PPP1R9A: variants seen among roughly 807,000 people sequenced by gnomAD.
PPP1R9A encodes the protein protein phosphatase 1 regulatory subunit 9A, also known as neurabin-1.
Under a neutral mutation model 141.9 loss-of-function variants are expected in PPP1R9A, and 59 were observed. That is an observed-to-expected ratio of 0.42 (90% CI 0.34 to 0.52). PPP1R9A has a LOEUF of 0.52. Among genes scored for constraint, PPP1R9A ranks in the 20% least tolerant of loss-of-function variants. PPP1R9A has a pLI of 0.10. For missense variants in PPP1R9A, 1,444 were observed against 1,611.9 expected, an observed-to-expected ratio of 0.90 and a Z score of 1.78; for synonymous variants, 500 against 569.7, an observed-to-expected ratio of 0.88 and a Z score of 1.74.
intron 2 of PPP1R9A, among the ~76,000 whole-genome samples, chr7:95,086,848 G>T (rs577706715): frequency 1.3e-5 from 2 of 152,048 alleles, no homozygotes; most frequent in East Asian, 3.9e-4. Flanking sequence ...GTTTAGACAA[G>T]AAGTCAGTGA....
chr7:95,266,279 TA>T (rs1487948770), intron 12 of PPP1R9A, among the ~76,000 whole-genome samples: 1 of 151,990 alleles, frequency 6.6e-6, no homozygotes, highest in African/African-American at 2.4e-5. Context: ...CAGACCAAAA[TA>T]AAAAATCATC....
Position 95,286,299 on chromosome 7 carries a change from C to T in PPP1R9A, c.3703C>T (p.Gln1235Ter). The change falls in exon 18 of 20, where the codon CAG becomes TAG. Residue 1235 changes from glutamine to a stop codon, truncating the protein, a stop_gained. Coordinates refer to ENST00000433360, the MANE Select transcript of PPP1R9A (RefSeq NM_001166160.2). LOFTEE classifies it high-confidence loss of function. Reference protein sequence around the residue: ...GAEPKTPGLSQSLALSSDEIL... With the variant: ...GAEPKTPGLS Reference sequence around the variant, plus strand: ...AGAACCTAAAACACCAGGGCTCTCTCAGTCCTTAGCACTGTCATCAGATGA... The same window carrying T: ...AGAACCTAAAACACCAGGGCTCTCTTAGTCCTTAGCACTGTCATCAGATGA... 6.2e-7 allele frequency: 1 copy of T among 1,613,456 alleles called. No individual in the cohort carries two copies. Among genetic ancestry groups the T allele is most frequent in the Non-Finnish European group, 8.5e-7 (1 of 1,179,596 alleles).
intron 16 of PPP1R9A, among the ~76,000 whole-genome samples, chr7:95,276,112 A>G (rs1395827850): frequency 6.6e-6 from 1 of 152,220 alleles, no homozygotes; most frequent in Non-Finnish European, 1.5e-5. Context: ...AAAGAGATGC[A>G]TAAATACATG....
intron 2 of PPP1R9A, among the ~76,000 whole-genome samples, chr7:94,966,908 A>G (rs959139400): frequency 1.7e-4 from 26 of 151,796 alleles, no homozygotes; most frequent in African/African-American, 5.6e-4. Flanking sequence ...TCCTCTTTGT[A>G]CCTTTGGTAG....
At chr7:94,988,822 A>T (rs1801157793) in intron 2 of PPP1R9A, among the ~76,000 whole-genome samples, 1 of 152,022 alleles carries the variant, frequency 6.6e-6, no homozygotes, top group African/African-American at 2.4e-5. Context: ...TCCTGGATTG[A>T]TAACCTGCCT....
At chr7:94,942,884 T>C (rs942855414) in intron 2 of PPP1R9A, among the ~76,000 whole-genome samples, 7 of 151,948 alleles carry the variant, frequency 4.6e-5, no homozygotes, top group African/African-American at 1.7e-4. Context: ...ATTTAGAAAA[T>C]TGTGATCATT....
chr7:95,228,670 T>A (rs1056053712), intron 8 of PPP1R9A, among the ~76,000 whole-genome samples: 1 of 152,216 alleles, frequency 6.6e-6, no homozygotes, highest in African/African-American at 2.4e-5. Context: ...AGAAAATATT[T>A]GAATCACTTT....
chr7:94,945,046 T>C (rs1795748847), intron 2 of PPP1R9A, among the ~76,000 whole-genome samples: 2 of 152,028 alleles, frequency 1.3e-5, no homozygotes, highest in Admixed American at 6.6e-5. Flanking sequence ...TTCATCTCCT[T>C]ACATGAGATA....
At chr7:95,185,026 GTT>G (rs200530617) in intron 5 of PPP1R9A, among the ~76,000 whole-genome samples, 151 of 146,168 alleles carry the variant, frequency 1.0e-3, no homozygotes, top group Admixed American at 2.5e-3. Flanking sequence ...CTACTTTTAA[GTT>G]TTTTTTTTTT....
At chr7:94,942,665 A>C (rs1030645096) in intron 2 of PPP1R9A, among the ~76,000 whole-genome samples, 1 of 151,948 alleles carries the variant, frequency 6.6e-6, no homozygotes, top group African/African-American at 2.4e-5. Context: ...TTAGCTGGGC[A>C]TGGTGGCGGG....
intron 16 of PPP1R9A, among the ~76,000 whole-genome samples, chr7:95,279,844 GTTATTC>G (rs1803839043): frequency 6.6e-6 from 1 of 152,118 alleles, no homozygotes; most frequent in Non-Finnish European, 1.5e-5. Flanking sequence ...CAATATATCT[GTTATTC>G]TTAAACTTAG....
At chr7:95,201,259 A>G (rs964678682) in intron 6 of PPP1R9A, among the ~76,000 whole-genome samples, 11 of 152,168 alleles carry the variant, frequency 7.2e-5, no homozygotes, top group African/African-American at 2.7e-4. Context: ...AAGTTGTAGA[A>G]GTAAAAACGA....
At chr7:95,094,879 C>CAAAAAAAAAAAAAAAAAAA (rs1166550834) in intron 2 of PPP1R9A, among the ~76,000 whole-genome samples, 1 of 44,974 alleles carries the variant, frequency 2.2e-5, no homozygotes, top group Non-Finnish European at 4.2e-5. Context: ...GACTGCGTCT[C>CAAAAAAAAAAAAAAAAAAA]AAAAAAAAAA....
chr7:95,243,404 G>A (rs1369461129), intron 8 of PPP1R9A, among the ~76,000 whole-genome samples: 9 of 152,116 alleles, frequency 5.9e-5, no homozygotes. Flanking sequence ...AAGGCCAATT[G>A]ATTATTAAGG....
intron 2 of PPP1R9A, among the ~76,000 whole-genome samples, chr7:94,933,556 G>T (rs1016702415): frequency 6.6e-6 from 1 of 152,112 alleles, no homozygotes; most frequent in East Asian, 1.9e-4. Flanking sequence ...TGCTAAGGAC[G>T]AATGGCATCT....
At position 95,118,783 on chromosome 7, in the gene PPP1R9A, C is replaced by T. The variant is rs529701685; in HGVS notation, c.1529-1929C>T. Among the ~76,000 whole-genome samples the T allele has an allele frequency of 1.1e-3, 123 of 110,754 alleles. 1 individual carries two copies. The highest frequency in any genetic ancestry group is 3.7e-5 in the Non-Finnish European group (2 of 54,372). 72.7% of individuals were successfully genotyped at this position (110,754 alleles called of 152,430 possible). On this transcript the variant is annotated intron_variant, in intron 3 of 19. Coordinates refer to ENST00000433360, the MANE Select transcript of PPP1R9A (RefSeq NM_001166160.2). ...CCCAGGAGGTTGAGACCAGCCTGGG[C>T]AACATGGTGAAACCCTGTCTGTACA...
intron 3 of PPP1R9A, among the ~76,000 whole-genome samples, chr7:95,113,979 T>C (rs1263633391): frequency 6.6e-6 from 1 of 152,198 alleles, no homozygotes; most frequent in Non-Finnish European, 1.5e-5. Context: ...GGAGTTAAAG[T>C]GAATTAAAGA....
intron 2 of PPP1R9A, among the ~76,000 whole-genome samples, chr7:94,976,249 A>G (rs1421406339): frequency 1.3e-5 from 2 of 152,132 alleles, no homozygotes; most frequent in Admixed American, 1.3e-4. Flanking sequence ...ATAAAATAAT[A>G]CAAAAATTAT....
chr7:95,154,707 T>G (rs1238404212), intron 4 of PPP1R9A: 1 of 152,146 alleles, frequency 6.6e-6, no homozygotes, highest in Non-Finnish European at 1.5e-5. Context: ...GAGAATGACT[T>G]CTGAGTTATA....
Sources: gnomAD v4.1 joint callset for allele counts (sites outside exome capture counted in the v4.1 genomes callset) on GRCh38, gnomAD v4.1.1 for gene constraint, MANE v1.5 for transcripts, NCBI Gene and HGNC (gene_info 2026-07-23, HGNC 2026-07-21) for gene names.